The following METTL15 variants were observed in gnomAD, a reference collection of about 807,000 sequenced individuals.
METTL15 encodes 12S rRNA N(4)-cytidine methyltransferase METTL15.
A neutral mutation model predicts 38.3 loss-of-function variants in METTL15; 34 were observed. The observed-to-expected ratio is 0.89, with a 90% CI of 0.68 to 1.18. The LOEUF (loss-of-function observed/expected upper bound fraction) is 1.18. METTL15 is among the 50% of genes most tolerant of loss of function. The probability of loss-of-function intolerance (pLI) is 0.00; values close to 1 mark genes in which losing one functional copy is unlikely to be tolerated. For synonymous variants in METTL15, 162 were observed against 170.9 expected (o/e 0.95, Z 0.41); for missense variants, 438 against 498.4 (o/e 0.88, Z 1.15).
At chr11:28,410,373 A>G (rs12283014) in intron 5 of METTL15, among the ~76,000 whole-genome samples, 2,688 of 152,254 alleles carry the variant, frequency 0.018, 52 homozygotes, top group African/African-American at 0.051. Flanking sequence ...AAAATCCTGA[A>G]TAAAATAGTA....
At chr11:28,208,858 A>G (rs898247063) in intron 3 of METTL15, among the ~76,000 whole-genome samples, 10 of 152,052 alleles carry the variant, frequency 6.6e-5, no homozygotes, top group African/African-American at 2.2e-4. Context: ...CATGAGGCCT[A>G]GATGTCACTA....
At chr11:28,231,879 C>T (rs1411226958) in intron 4 of METTL15, among the ~76,000 whole-genome samples, 9 of 151,864 alleles carry the variant, frequency 5.9e-5, no homozygotes, top group Non-Finnish European at 1.0e-4. Context: ...ATTATATGCT[C>T]CTTGAAGTAT....
intron 3 of METTL15, among the ~76,000 whole-genome samples, chr11:28,131,051 T>TA (rs1852753799): frequency 6.6e-6 from 1 of 152,160 alleles, no homozygotes; most frequent in Non-Finnish European, 1.5e-5. Flanking sequence ...GCTCACCCAT[T>TA]AAGTGCTAGT....
intron 6 of METTL15, among the ~76,000 whole-genome samples, chr11:28,523,863 A>T (rs1457067525): frequency 6.6e-6 from 1 of 152,222 alleles, no homozygotes; most frequent in Non-Finnish European, 1.5e-5. Context: ...GTGATTTTGT[A>T]TCCCAGGGCA....
At chr11:28,429,936 A>G (rs1452545610) in intron 6 of METTL15, among the ~76,000 whole-genome samples, 9 of 108,558 alleles carry the variant, frequency 8.3e-5, no homozygotes, top group Non-Finnish European at 1.7e-4. Context: ...AGCCGCCATC[A>G]CATCTAGGAA....
At chr11:28,341,559 C>A (rs1849952896) in intron 3 of METTL15, among the ~76,000 whole-genome samples, 1 of 152,036 alleles carries the variant, frequency 6.6e-6, no homozygotes, top group Non-Finnish European at 1.5e-5. Flanking sequence ...TATCTCTAAA[C>A]CTCATTTTAC....
rs919631322 is a variant in METTL15 at position 28,291,677 on chromosome 11, A to G, written c.599+1280A>G. 2.0e-5 allele frequency among the ~76,000 whole-genome samples: 3 copies of G among 152,178 alleles called. No individual in the cohort carries two copies. In the East Asian group the frequency reaches 5.8e-4, roughly 29 times the overall value. ...ATGTAATTATAAAAGAAAATAATAA[A>G]AATCCTTTAAAAACAAGTAACTAAT... On this transcript the variant is annotated intron_variant, in intron 5 of 6. Coordinates refer to ENST00000407364, the MANE Select transcript of METTL15 (RefSeq NM_001113528.2).
intron 3 of METTL15, among the ~76,000 whole-genome samples, chr11:28,120,267 C>G (rs1005253716): frequency 9.4e-6 from 1 of 105,870 alleles, no homozygotes; most frequent in South Asian, 2.9e-4. Context: ...TTTTTTTTTT[C>G]TTCTTAAGAA....
intron 3 of METTL15, among the ~76,000 whole-genome samples, chr11:28,153,969 A>G (rs1049798338): frequency 1.3e-5 from 2 of 152,100 alleles, no homozygotes; most frequent in East Asian, 1.9e-4. Context: ...CTATAAATTG[A>G]CTCATTTACA....
intron 4 of METTL15, among the ~76,000 whole-genome samples, chr11:28,254,597 T>C (rs1245846475): frequency 3.9e-5 from 6 of 152,192 alleles, no homozygotes; most frequent in African/African-American, 1.4e-4. Flanking sequence ...TGTTTTCTTT[T>C]ATTAGCTTCA....
Position 28,331,813 on chromosome 11 carries a change from T to C in METTL15, c.*972T>C, listed in dbSNP as rs1849824558. ...GTCAATTTTTTATAGTAATATGTAC[T>C]TCTAATTTATTATTTATACTTAAAT... On this transcript the variant is annotated 3_prime_UTR_variant, in exon 7 of 7. Transcript: ENST00000407364. 1.3e-5 allele frequency: 2 copies of C among 152,218 alleles called. No individual in the cohort carries two copies. The highest frequency in any genetic ancestry group is 4.8e-5 in the African/African-American group (2 of 41,462). The allele number at this position is 152,218 out of a possible 1,614,324, so 9.4% of individuals were successfully genotyped here. A position where few individuals can be genotyped will look rare whatever the true frequency, so the allele number is the denominator to read the frequency against.
Position 28,113,443 on chromosome 11 carries a change from G to A in METTL15, c.109G>A (p.Ala37Thr), listed in dbSNP as rs1435644488. ...CTGGCCAAACAGAATACATACTACAGCAGAAAAATATAGAGAATATGAAGC... is the reference window on the plus strand; with the variant it reads ...CTGGCCAAACAGAATACATACTACAACAGAAAAATATAGAGAATATGAAGC... ...GVWPNRIHTTAEKYREYEARE... is the reference protein window; with the variant it reads ...GVWPNRIHTTTEKYREYEARE... The change falls in exon 3 of 7, where the codon GCA (alanine) becomes ACA (threonine). Residue 37 changes from alanine (A) to threonine (T), a missense_variant. Coordinates refer to ENST00000407364, the MANE Select transcript of METTL15 (RefSeq NM_001113528.2). 3 of 1,610,668 alleles carry A rather than the reference G, an allele frequency of 1.9e-6. No homozygotes were observed. The South Asian group carries it at 3.3e-5, about 18-fold the overall frequency.
chr11:28,219,351 G>T (rs1316167553), intron 4 of METTL15, among the ~76,000 whole-genome samples: 2 of 152,172 alleles, frequency 1.3e-5, no homozygotes, highest in Non-Finnish European at 2.9e-5. Flanking sequence ...TTGTGTAGAG[G>T]TGTTTATAGT....
intron 3 of METTL15, among the ~76,000 whole-genome samples, chr11:28,151,715 A>G (rs771291874): frequency 1.6e-4 from 24 of 152,026 alleles, no homozygotes; most frequent in Non-Finnish European, 3.1e-4. Context: ...GAGGGTTCAT[A>G]CCTACTTTAT....
chr11:28,221,992 G>A (rs190281758), intron 4 of METTL15, among the ~76,000 whole-genome samples: 1 of 152,122 alleles, frequency 6.6e-6, no homozygotes, highest in East Asian at 1.9e-4. Flanking sequence ...TTAGGCTACT[G>A]AGGGGTCAGG....
At chr11:28,142,237 G>GTTTCTCTTTTCTTT (rs1849723916) in intron 3 of METTL15, among the ~76,000 whole-genome samples, 1 of 152,090 alleles carries the variant, frequency 6.6e-6, no homozygotes, top group African/African-American at 2.4e-5. Flanking sequence ...AGAGGAGATT[G>GTTTCTCTTTTCTTT]GTTTTATAGA....
chr11:28,527,678 G>A (rs1462775729), downstream of METTL15, among the ~76,000 whole-genome samples: 1 of 152,210 alleles, frequency 6.6e-6, no homozygotes, highest in Non-Finnish European at 1.5e-5. Flanking sequence ...ACTTAATCAA[G>A]GAGGTATTTG....
intron 4 of METTL15, among the ~76,000 whole-genome samples, chr11:28,217,564 T>G (rs1852952033): frequency 6.6e-6 from 1 of 152,174 alleles, no homozygotes; most frequent in Non-Finnish European, 1.5e-5. Flanking sequence ...TTAGTTTAAT[T>G]AGATCCCATT....
intron 5 of METTL15, among the ~76,000 whole-genome samples, chr11:28,378,673 C>T (rs1850348457): frequency 1.3e-5 from 2 of 151,914 alleles, no homozygotes; most frequent in Admixed American, 6.6e-5. Flanking sequence ...GCCATCTTGG[C>T]TCCTCCACCT....
Sources: gnomAD v4.1 joint callset for allele counts (sites outside exome capture counted in the v4.1 genomes callset) on GRCh38, gnomAD v4.1.1 for gene constraint, MANE v1.5 for transcripts, NCBI Gene and HGNC (gene_info 2026-07-23, HGNC 2026-07-21) for gene names.